The following WNT11 variants were observed in gnomAD, a reference collection of about 807,000 sequenced individuals.
The protein encoded by WNT11 is Wnt family member 11, also known as protein Wnt-11.
WNT11 carries 20 observed loss-of-function variants against 35.6 expected under a neutral mutation model. The ratio of observed to expected loss-of-function variants is 0.56; its 90% CI spans 0.40 to 0.82. The LOEUF (loss-of-function observed/expected upper bound fraction) is 0.82, where lower values mean the gene tolerates loss of function less well. Among genes scored for constraint, WNT11 ranks in the 40% least tolerant of loss-of-function variants. The pLI is 0.00. For synonymous variants in WNT11, 200 were observed against 211.9 expected, an observed-to-expected ratio of 0.94 and a Z score of 0.49; for missense variants, 459 against 504.4, an observed-to-expected ratio of 0.91 and a Z score of 0.86.
In WNT11 at chr11:76,204,852, C is replaced by T. The variant is rs556953863; in HGVS notation, c.83+1473G>A. 8.3e-4 allele frequency among the ~76,000 whole-genome samples: 127 copies of T among 152,184 alleles called. 1 individual carries two copies. The highest frequency in any genetic ancestry group is 7.7e-3 in the South Asian group (37 of 4,800). The stretch of plus-strand genomic sequence containing the variant: ...AGTGACCCCACAGGACTCTTATGGG[C>T]GGCAAATGACACCCAAGCCCACTGC... On this transcript the variant is annotated intron_variant, in intron 1 of 4. Transcript: ENST00000322563.
In WNT11 at chr11:76,194,865, T is replaced by C; in HGVS notation, c.320-21A>G. The C allele has an allele frequency of 6.8e-7, 1 of 1,479,740 alleles. No individual in the cohort carries two copies. The allele number at this position is 1,479,740 out of a possible 1,614,324, so 91.7% of individuals were successfully genotyped here. On this transcript the variant is annotated intron_variant, in intron 2 of 4. Coordinates refer to ENST00000322563, the MANE Select transcript of WNT11 (RefSeq NM_004626.3). This position sits in a 1 kb window ranked among gnomAD's most constrained non-coding sequence, Gnocchi z 5.4. ...GGTCCCTGAGGGTGGGAGGGGAAGG[T>C]CAGCCGACGCTGATCCAGGGCTAGG... is the stretch of plus-strand genomic sequence containing the variant.
chr11:76,194,851 G>A lies in WNT11; in HGVS notation c.320-7C>T, dbSNP rs1224828906. 5.3e-6 allele frequency: 8 copies of A among 1,495,774 alleles called. No homozygotes were observed. Among genetic ancestry groups the A allele is most frequent in the Non-Finnish European group, 7.1e-6 (8 of 1,128,818 alleles). 92.7% of individuals were successfully genotyped at this position (1,495,774 alleles called of 1,614,324 possible). A position where few individuals can be genotyped will look rare whatever the true frequency, so the allele number is the denominator to read the frequency against. Reference sequence around the variant, plus strand: ...AAGGCCGACTCCCGGGTCCCTGAGGGTGGGAGGGGAAGGTCAGCCGACGCT... The same window carrying A: ...AAGGCCGACTCCCGGGTCCCTGAGGATGGGAGGGGAAGGTCAGCCGACGCT... On this transcript the variant is annotated splice_polypyrimidine_tract_variant and splice_region_variant and intron_variant, in intron 2 of 4. Coordinates refer to ENST00000322563, the MANE Select transcript of WNT11 (RefSeq NM_004626.3). The surrounding 1 kb of genome is among the most constrained non-coding windows in gnomAD (Gnocchi z 5.4).
At chr11:76,206,749 G>A (rs2134609480), upstream of WNT11, 1 of 175,806 alleles carries the variant, frequency 5.7e-6, no homozygotes, top group African/African-American at 3.0e-5. Flanking sequence ...GCCGGAAGGA[G>A]GGACAGGAGG....
intron 2 of WNT11, 56 bp downstream of exon 2, chr11:76,196,427 T>C (rs1270326092): frequency 1.9e-6 from 3 of 1,587,632 alleles, no homozygotes; most frequent in Non-Finnish European, 2.6e-6. Context: ...CACAGATTGA[T>C]GCCTGAATTC....
At position 76,194,957 on chromosome 11, in the gene WNT11, G is replaced by C. The variant is rs1953258078; in HGVS notation, c.320-113C>G. The stretch of plus-strand genomic sequence containing the variant: ...TGCTGTAACCAAGGTGACGCCAGCA[G>C]GGGTCGGCACTAGGGCCATTGAGAT... On this transcript the variant is annotated intron_variant, in intron 2 of 4. Coordinates refer to ENST00000322563, the MANE Select transcript of WNT11 (RefSeq NM_004626.3). This position sits in a 1 kb window ranked among gnomAD's most constrained non-coding sequence, Gnocchi z 5.4. The C allele has an allele frequency of 7.5e-7, 1 of 1,327,370 alleles. No individual in the cohort carries two copies. Among genetic ancestry groups the C allele is most frequent in the African/African-American group, 1.5e-5 (1 of 67,448 alleles). The allele number at this position is 1,327,370 out of a possible 1,614,324, so 82.2% of individuals were successfully genotyped here.
upstream of WNT11, among the ~76,000 whole-genome samples, chr11:76,208,766 G>T (rs915508194): frequency 8.3e-4 from 127 of 152,296 alleles, no homozygotes; most frequent in African/African-American, 2.9e-3. Flanking sequence ...TGCAGCCCCG[G>T]CTGTCCCAAG....
chr11:76,194,958 G>C lies in WNT11; in HGVS notation c.320-114C>G, dbSNP rs569049287. 2.3e-6 allele frequency: 3 copies of C among 1,309,070 alleles called. No homozygotes were observed. Among genetic ancestry groups the C allele is most frequent in the African/African-American group, 3.0e-5 (2 of 67,040 alleles). 81.1% of individuals were successfully genotyped at this position (1,309,070 alleles called of 1,614,324 possible). The stretch of plus-strand genomic sequence containing the variant: ...GCTGTAACCAAGGTGACGCCAGCAG[G>C]GGTCGGCACTAGGGCCATTGAGATG... On this transcript the variant is annotated intron_variant, in intron 2 of 4. Coordinates refer to ENST00000322563, the MANE Select transcript of WNT11 (RefSeq NM_004626.3). This position sits in a 1 kb window ranked among gnomAD's most constrained non-coding sequence, Gnocchi z 5.4.
At chr11:76,199,249 C>T (rs992041252) in intron 1 of WNT11, among the ~76,000 whole-genome samples, 1 of 152,098 alleles carries the variant, frequency 6.6e-6, no homozygotes, top group Admixed American at 6.5e-5. Flanking sequence ...TACTCTGAGG[C>T]CAAAGTAGGA....
intron 3 of WNT11, among the ~76,000 whole-genome samples, chr11:76,193,379 C>T (rs1049792927): frequency 6.6e-6 from 1 of 151,670 alleles, no homozygotes; most frequent in African/African-American, 2.4e-5. Context: ...CAGCATGTGG[C>T]GCCCAGCTGG....
intron 1 of WNT11, among the ~76,000 whole-genome samples, chr11:76,204,753 C>A (rs1329946663): frequency 1.3e-5 from 2 of 151,990 alleles, no homozygotes; most frequent in Admixed American, 1.3e-4. Flanking sequence ...CCACCACAGG[C>A]CAGCGTGGGG....
rs114108457 is a variant in WNT11, at chr11:76,202,568, C to A, written c.83+3757G>T. Among the ~76,000 whole-genome samples, 736 of 151,958 alleles carry A rather than the reference C, an allele frequency of 4.8e-3. 5 individuals carry two copies. Among genetic ancestry groups the A allele is most frequent in the African/African-American group, 0.017 (706 of 41,428 alleles). Reference sequence around the variant, plus strand: ...GCCTCTCCCCAGGCTTCCGTCTACTCCCCTGGGGCAACCTTGGGGAAGCTC... The same window carrying A: ...GCCTCTCCCCAGGCTTCCGTCTACTACCCTGGGGCAACCTTGGGGAAGCTC... On this transcript the variant is annotated intron_variant, in intron 1 of 4. Coordinates refer to ENST00000322563, the MANE Select transcript of WNT11 (RefSeq NM_004626.3).
rs117835350 is a variant in WNT11 at position 76,196,458 on chromosome 11, A to C, written c.319+25T>G. ...AATTCCTTCACCCGCACCCACATGCATTCAGCAGCCTCGCCAGCTCCTACC... is the reference window on the plus strand; with the variant it reads ...AATTCCTTCACCCGCACCCACATGCCTTCAGCAGCCTCGCCAGCTCCTACC... On this transcript the variant is annotated intron_variant, in intron 2 of 4. Coordinates refer to ENST00000322563, the MANE Select transcript of WNT11 (RefSeq NM_004626.3). The C allele has an allele frequency of 4.5e-4, 725 of 1,611,134 alleles. 3 individuals carry two copies. In the East Asian group the frequency reaches 0.015, roughly 33 times the overall value.
intron 1 of WNT11, among the ~76,000 whole-genome samples, chr11:76,206,098 C>A (rs1244283095): frequency 6.6e-6 from 1 of 152,164 alleles, no homozygotes; most frequent in East Asian, 1.9e-4. Context: ...CAGGACCAGG[C>A]GCTTCCATTG....
intron 1 of WNT11, 111 bp from the exon 2 acceptor site, chr11:76,196,829 C>A: frequency 8.0e-7 from 1 of 1,251,708 alleles, no homozygotes; most frequent in Non-Finnish European, 1.1e-6. Context: ...TGGACTTTGC[C>A]TCCTGGTTTC....
At chr11:76,195,110 T>G in intron 2 of WNT11, 1 of 485,970 alleles carries the variant, frequency 2.1e-6, no homozygotes, top group Non-Finnish European at 3.6e-6. Context: ...TTCCACCCAC[T>G]TGCCCTGCAC....
upstream of WNT11, among the ~76,000 whole-genome samples, chr11:76,209,443 G>A (rs1953526281): frequency 6.6e-6 from 1 of 152,174 alleles, no homozygotes; most frequent in African/African-American, 2.4e-5. Flanking sequence ...CGCCCCACGG[G>A]CACCGTGCAC....
upstream of WNT11, chr11:76,210,301 G>C (rs1953547307): frequency 4.1e-6 from 2 of 488,618 alleles, no homozygotes; most frequent in East Asian, 1.5e-4. Context: ...GGAACTCTTC[G>C]GAGTGCTGCG....
At chr11:76,210,288 A>G, upstream of WNT11, 4 of 422,280 alleles carry the variant, frequency 9.5e-6, no homozygotes, top group Non-Finnish European at 1.3e-5. Context: ...CGCTCCGCAA[A>G]GGGGAACTCT....
In WNT11 at chr11:76,206,032, C is replaced by T. The variant is rs56010139; in HGVS notation, c.83+293G>A. On this transcript the variant is annotated intron_variant, in intron 1 of 4. Transcript: ENST00000322563. The stretch of plus-strand genomic sequence containing the variant: ...CCCTGAACAGAATGTCTTTTTCCAT[C>T]TGCCCCTGCGGAGGTGGCCAGAAAC... Among the ~76,000 whole-genome samples, 1,225 of 152,326 alleles carry T rather than the reference C, an allele frequency of 8.0e-3. 16 individuals are homozygous for T. The highest frequency in any genetic ancestry group is 0.028 in the African/African-American group (1,177 of 41,582).
Sources: allele counts gnomAD v4.1 joint callset (sites outside exome capture counted in the v4.1 genomes callset), GRCh38; gene constraint gnomAD v4.1.1; non-coding constraint Gnocchi (gnomAD v3.1); transcripts MANE v1.5; gene names NCBI Gene and HGNC (gene_info 2026-07-23, HGNC 2026-07-21).